ATG7: variants seen among roughly 807,000 people sequenced by gnomAD.
The protein encoded by ATG7 is autophagy related 7, also known as ubiquitin-like modifier-activating enzyme ATG7.
A neutral mutation model predicts 82.4 loss-of-function variants in ATG7; 70 were observed. The ratio of observed to expected loss-of-function variants is 0.85; its 90% CI spans 0.70 to 1.04. The LOEUF is 1.04. Ranked by LOEUF, ATG7 falls within the 50% of genes least tolerant of loss-of-function variation. The pLI is 0.00. For synonymous variants in ATG7, 287 were observed against 313.0 expected, an observed-to-expected ratio of 0.92 and a Z score of 0.88; for missense variants, 792 against 864.3, an observed-to-expected ratio of 0.92 and a Z score of 1.05.
chr3:11,570,458 T>C, the ATG7 span, among the ~76,000 whole-genome samples: 9 of 152,238 alleles, frequency 5.9e-5, no homozygotes, highest in South Asian at 8.3e-4. Context: ...GGGACCCCGG[T>C]CCCTGGCTGG....
At chr3:11,372,801 GGTGT>G (rs10579739) in intron 18 of ATG7, among the ~76,000 whole-genome samples, 48,414 of 147,426 alleles carry the variant, frequency 0.33, 10,470 homozygotes, top group African/African-American at 0.53. Flanking sequence ...GTAAGGGCTG[GGTGT>G]GTGTGTGTGT....
intron 19 of ATG7, among the ~76,000 whole-genome samples, chr3:11,395,977 A>AG (rs1446611426): frequency 3.8e-5 from 5 of 130,886 alleles, no homozygotes; most frequent in African/African-American, 1.5e-4. Flanking sequence ...GTAGGGGGGG[A>AG]AGAGTAAAAG....
intron 14 of ATG7, among the ~76,000 whole-genome samples, chr3:11,352,379 G>A (rs2075622265): frequency 6.6e-6 from 1 of 152,200 alleles, no homozygotes; most frequent in Non-Finnish European, 1.5e-5. Flanking sequence ...TAATGGGATG[G>A]TTGGGTCAAA....
At chr3:11,482,030 A>G (rs1052536856) in intron 20 of ATG7, among the ~76,000 whole-genome samples, 2 of 152,194 alleles carry the variant, frequency 1.3e-5, no homozygotes, top group Non-Finnish European at 2.9e-5. Flanking sequence ...TGGGGCTTCA[A>G]GGAGCCCTTA....
intron 18 of ATG7, among the ~76,000 whole-genome samples, chr3:11,378,869 G>A (rs1286042719): frequency 6.6e-6 from 1 of 151,842 alleles, no homozygotes; most frequent in Non-Finnish European, 1.5e-5. Context: ...TTTTCGGGGG[G>A]TGGGGGATTT....
rs527694478 is a variant in ATG7 at position 11,471,274 on chromosome 3, C to A, written c.2079+44348C>A. ...CAGCTTCCTCTCAAGCTGGCCCTGG[C>A]GCTCTGGACTCCTCACACTTCTGCC... On this transcript the variant is annotated intron_variant, in intron 20 of 20. Transcript: ENST00000693202. 1.1e-4 allele frequency among the ~76,000 whole-genome samples: 16 copies of A among 152,260 alleles called. No homozygotes were observed. In the South Asian group the frequency reaches 3.3e-3, roughly 32 times the overall value.
At chr3:11,415,181 T>G (rs907120583) in intron 19 of ATG7, among the ~76,000 whole-genome samples, 1 of 152,190 alleles carries the variant, frequency 6.6e-6, no homozygotes, top group African/African-American at 2.4e-5. Flanking sequence ...TATCTCAATA[T>G]AGAAAAAGTA....
chr3:11,291,250 C>T (rs1453911174), intron 3 of ATG7, among the ~76,000 whole-genome samples: 1 of 152,218 alleles, frequency 6.6e-6, no homozygotes, highest in African/African-American at 2.4e-5. Flanking sequence ...CTGTCTGCAA[C>T]TGTGTTGATT....
intron 5 of ATG7, among the ~76,000 whole-genome samples, chr3:11,303,103 C>T (rs1319216615): frequency 6.6e-6 from 1 of 152,176 alleles, no homozygotes; most frequent in Admixed American, 6.5e-5. Flanking sequence ...ACAGTTGTCA[C>T]TTTCAGGTAA....
chr3:11,412,050 A>G (rs970472017), intron 19 of ATG7, among the ~76,000 whole-genome samples: 1 of 151,612 alleles, frequency 6.6e-6, no homozygotes, highest in East Asian at 1.9e-4. Context: ...AAAGCCAATC[A>G]CTGAGACAAG....
chr3:11,428,256 A>G (rs1463926301), intron 20 of ATG7, among the ~76,000 whole-genome samples: 1 of 152,218 alleles, frequency 6.6e-6, no homozygotes, highest in African/African-American at 2.4e-5. Flanking sequence ...CAAGTTGTCA[A>G]TGAATAGATG....
chr3:11,527,069 G>GTATATATATATATATATATATATATA (rs1347586691), intron 20 of ATG7, among the ~76,000 whole-genome samples: 1 of 118,226 alleles, frequency 8.5e-6, no homozygotes. Flanking sequence ...GTGTGTGTGT[G>GTATATATATATATATATATATATATA]TGTATATATA....
At chr3:11,488,994 G>A (rs1008626124) in intron 20 of ATG7, among the ~76,000 whole-genome samples, 1 of 152,052 alleles carries the variant, frequency 6.6e-6, no homozygotes, top group Non-Finnish European at 1.5e-5. Flanking sequence ...GTTCCTCCTT[G>A]TACCTCTGGT....
In ATG7 at chr3:11,362,945, G is replaced by T; in HGVS notation, c.1799+17G>T. On this transcript the variant is annotated intron_variant, in intron 17 of 20. Transcript: ENST00000693202. ...TCCAGAAGGGTGAGTTTGCTAGTAG[G>T]AGATGAGTATTTAAACAAAGCTTTT... 1 of 1,607,066 alleles carries T rather than the reference G, an allele frequency of 6.2e-7. No individual in the cohort carries two copies. Among genetic ancestry groups the T allele is most frequent in the South Asian group, 1.1e-5 (1 of 90,182 alleles).
At chr3:11,432,531 CAT>C in intron 20 of ATG7, among the ~76,000 whole-genome samples, 1 of 151,988 alleles carries the variant, frequency 6.6e-6, no homozygotes, top group Non-Finnish European at 1.5e-5. Context: ...GGATAAAAGA[CAT>C]ATTGGGTGCT....
chr3:11,490,017 A>G (rs561726528), intron 20 of ATG7, among the ~76,000 whole-genome samples: 2 of 152,060 alleles, frequency 1.3e-5, no homozygotes, highest in South Asian at 4.2e-4. Context: ...GCTGAGTTCA[A>G]TTCCTGGGTA....
At chr3:11,353,901 A>T (rs572812507) in intron 14 of ATG7, among the ~76,000 whole-genome samples, 1 of 152,200 alleles carries the variant, frequency 6.6e-6, no homozygotes, top group Non-Finnish European at 1.5e-5. Flanking sequence ...CACAGGAAAT[A>T]CAAAGAAGTG....
intron 20 of ATG7, among the ~76,000 whole-genome samples, chr3:11,455,041 A>C (rs1431887350): frequency 6.6e-6 from 1 of 152,228 alleles, no homozygotes; most frequent in Non-Finnish European, 1.5e-5. Flanking sequence ...ATTTCTCTCG[A>C]GTACAGTTAT....
chr3:11,358,596 C>T lies in ATG7; in HGVS notation c.1463C>T (p.Ala488Val). The T allele has an allele frequency of 2.5e-6, 4 of 1,613,274 alleles. No homozygotes were observed. The highest frequency in any genetic ancestry group is 2.5e-6 in the Non-Finnish European group (3 of 1,179,834). The change falls in exon 15 of 21, where the codon GCT becomes GTT. Residue 488 changes from alanine to valine, a missense_variant. Ala to Val is a moderately conservative substitution (Grantham distance 64, BLOSUM62 0). Coordinates refer to ENST00000693202, the MANE Select transcript of ATG7 (RefSeq NM_001349232.2). Reference sequence around the variant, plus strand: ...AGCCGGTGGCTTCCTGCCGTCATTGCTGCAAGCAAGAGAAAGGTAGGCCCT... The same window carrying T: ...AGCCGGTGGCTTCCTGCCGTCATTGTTGCAAGCAAGAGAAAGGTAGGCCCT... ...RESRWLPAVIAASKRKLVINA... is the reference protein window; with the variant it reads ...RESRWLPAVIVASKRKLVINA...
Sources: gnomAD v4.1 joint callset for allele counts (sites outside exome capture counted in the v4.1 genomes callset) on GRCh38, gnomAD v4.1.1 for gene constraint, MANE v1.5 for transcripts, NCBI Gene and HGNC (gene_info 2026-07-23, HGNC 2026-07-21) for gene names.